Variants in TLR1 observed in about 807,000 individuals in gnomAD.
The protein encoded by TLR1 is toll like receptor 1.
In TLR1, 19 loss-of-function variants were observed where a neutral mutation model predicts 20.2. The observed-to-expected ratio is 0.94, with a 90% CI of 0.66 to 1.38. TLR1 has a LOEUF of 1.38. TLR1 is among the 40% of genes most tolerant of loss of function. The pLI is 0.00. For missense variants in TLR1, 921 were observed against 910.0 expected (o/e 1.01, Z -0.16); for synonymous variants, 320 against 334.5 (o/e 0.96, Z 0.47).
At chr4:38,805,212 G>A (rs1353106767), upstream of TLR1, 3 of 152,218 alleles carry the variant, frequency 2.0e-5, no homozygotes, top group Admixed American at 6.5e-5. Flanking sequence ...AGTGGAAAGA[G>A]GGAGGGGTCG....
downstream of TLR1, chr4:38,794,667 G>T (rs1266231131): frequency 2.0e-5 from 3 of 148,870 alleles, no homozygotes; most frequent in African/African-American, 7.4e-5. Flanking sequence ...TCATTTCTAA[G>T]ATTTTTTTTC....
intron 3 of TLR1, chr4:38,800,543 G>T (rs5743599): frequency 6.6e-6 from 1 of 152,116 alleles, no homozygotes. Flanking sequence ...TTCCAGTGGC[G>T]TATGAGAACA....
intron 3 of TLR1, among the ~76,000 whole-genome samples, chr4:38,799,169 C>T (rs1579209136): frequency 6.6e-6 from 1 of 152,114 alleles, no homozygotes; most frequent in African/African-American, 2.4e-5. Flanking sequence ...TGTCCTAATC[C>T]CCAGAAACCA....
chr4:38,797,117 A>G lies in TLR1; in HGVS notation c.1715T>C (p.Met572Thr), dbSNP rs1365619063. ...YRGTLLKDFH[M>T]SELSCNITLL... ...AGTTATGTTGCAGGATAATTCAGAC[A>G]TGTGAAAGTCCTTTAGTAGGGTTCC... The change falls in exon 4 of 4, where the codon ATG becomes ACG. Residue 572 changes from methionine to threonine, a missense_variant. Transcript: ENST00000308979. 6.2e-7 allele frequency: 1 copy of G among 1,614,222 alleles called. No individual in the cohort carries two copies.
At chr4:38,787,934 C>T (rs1725638487), downstream of TLR1, among the ~76,000 whole-genome samples, 2 of 152,196 alleles carry the variant, frequency 1.3e-5, no homozygotes. Context: ...CCATGTGCTA[C>T]CCCTGACTCC....
Position 38,797,013 on chromosome 4 carries a change from G to A in TLR1, c.1819C>T (p.Pro607Ser). The change falls in exon 4 of 4, where the codon CCC becomes TCC. Residue 607 changes from proline to serine, a missense_variant. By Grantham distance (74) the Pro-to-Ser change is moderately conservative. Transcript: ENST00000308979. ...VTSLCSYLDL[P>S]WYLRMVCQWT... ...TGGCACACCATCCTGAGATACCAGG[G>A]CAGATCCAAGTAGCTGCAGAGGGAG... 2 of 1,614,174 alleles carry A rather than the reference G, an allele frequency of 1.2e-6. No homozygotes were observed. The highest frequency in any genetic ancestry group is 2.2e-5 in the East Asian group (1 of 44,872).
chr4:38,791,756 T>C (rs1266655641), downstream of TLR1, among the ~76,000 whole-genome samples: 1 of 152,238 alleles, frequency 6.6e-6, no homozygotes, highest in African/African-American at 2.4e-5. Flanking sequence ...TTTATTGAGC[T>C]TTTGCTTAAT....
In TLR1 at chr4:38,797,043, C is replaced by T. The variant is rs749925721; in HGVS notation, c.1789G>A (p.Val597Met). 1.9e-6 allele frequency: 3 copies of T among 1,614,176 alleles called. No homozygotes were observed. The highest frequency in any genetic ancestry group is 2.5e-6 in the Non-Finnish European group (3 of 1,180,014). ...TCCAAGTAGCTGCAGAGGGAGGTCA[C>T]AGTCACAGCCAACACCAGCATGGTG... ...VATMLVLAVT[V>M]TSLCSYLDLP... The change falls in exon 4 of 4, where the codon GTG (valine) becomes ATG (methionine). Residue 597 changes from valine (V) to methionine (M), a missense_variant. By Grantham distance (21) the Val-to-Met change is conservative. Transcript: ENST00000308979.
chr4:38,803,292 G>A lies in TLR1; in HGVS notation c.-160+1014C>T, dbSNP rs543077563. Reference sequence around the variant, plus strand: ...TATGGGCTGGAACCTGGCCCTGGGCGTGACACTCTCTCTCTTACTCTAAAA... The same window carrying A: ...TATGGGCTGGAACCTGGCCCTGGGCATGACACTCTCTCTCTTACTCTAAAA... On this transcript the variant is annotated intron_variant, in intron 2 of 3. Coordinates refer to ENST00000308979, the MANE Select transcript of TLR1 (RefSeq NM_003263.4). 1.1e-3 allele frequency among the ~76,000 whole-genome samples: 174 copies of A among 152,212 alleles called. 2 individuals carry two copies. Among genetic ancestry groups the A allele is most frequent in the South Asian group, 6.6e-3 (32 of 4,822 alleles).
At chr4:38,795,232 T>C (rs1579197304), downstream of TLR1, among the ~76,000 whole-genome samples, 1 of 152,200 alleles carries the variant, frequency 6.6e-6, no homozygotes, top group African/African-American at 2.4e-5. Context: ...TAGAACAGGC[T>C]TCTACAAGCA....
chr4:38,790,550 A>G (rs1465106817), downstream of TLR1: 3 of 152,084 alleles, frequency 2.0e-5, no homozygotes, highest in Non-Finnish European at 4.4e-5. Context: ...ATTTCAAGAG[A>G]AAGTGCCTTG....
chr4:38,799,421 C>T (rs1244764278), intron 3 of TLR1, among the ~76,000 whole-genome samples: 1 of 152,192 alleles, frequency 6.6e-6, no homozygotes, highest in East Asian at 1.9e-4. Flanking sequence ...AGGCAAGGAA[C>T]ATCAACAGGC....
downstream of TLR1, among the ~76,000 whole-genome samples, chr4:38,792,454 A>G (rs1420601480): frequency 6.6e-6 from 1 of 152,136 alleles, no homozygotes; most frequent in Non-Finnish European, 1.5e-5. Flanking sequence ...TTTGTATCCT[A>G]TGCTTTTTAT....
chr4:38,795,366 T>C (rs563741084), downstream of TLR1, among the ~76,000 whole-genome samples: 1 of 152,328 alleles, frequency 6.6e-6, no homozygotes, highest in Admixed American at 6.5e-5. Context: ...AAATGTAGAC[T>C]GACAGGATGT....
chr4:38,788,416 A>C (rs1475231559), downstream of TLR1, among the ~76,000 whole-genome samples: 1 of 152,200 alleles, frequency 6.6e-6, no homozygotes, highest in African/African-American at 2.4e-5. Flanking sequence ...CATTGCTCTT[A>C]GGCAGAATTC....
chr4:38,788,603 C>T (rs375981754), downstream of TLR1, among the ~76,000 whole-genome samples: 2 of 152,172 alleles, frequency 1.3e-5, no homozygotes, highest in East Asian at 1.9e-4. Context: ...TCTGCTAGAG[C>T]CAGCTTATAC....
At chr4:38,795,415 A>C (rs1725977484), downstream of TLR1, among the ~76,000 whole-genome samples, 1 of 152,234 alleles carries the variant, frequency 6.6e-6, no homozygotes, top group Non-Finnish European at 1.5e-5. Flanking sequence ...TCCATTCCTT[A>C]CACTGCCCCA....
At position 38,797,736 on chromosome 4, in the gene TLR1, C is replaced by A. The variant is rs746174508; in HGVS notation, c.1096G>T (p.Glu366Ter). The A allele has an allele frequency of 2.2e-5, 35 of 1,613,604 alleles. No individual in the cohort carries two copies. The highest frequency in any genetic ancestry group is 1.0e-4 in the Admixed American group (6 of 59,918). The change falls in exon 4 of 4, where the codon GAA becomes TAA. Residue 366 changes from glutamate (E) to a stop codon, truncating the protein, a stop_gained. Coordinates refer to ENST00000308979, the MANE Select transcript of TLR1 (RefSeq NM_003263.4). LOFTEE classifies it high-confidence loss of function. ...SNNLLTDTVF[E>*]NCGHLTELET... ...AACTCAGTAAGGTGCCCACAATTTTCAAAAACCGTGTCTGTTAAGAGATTA... is the reference window on the plus strand; with the variant it reads ...AACTCAGTAAGGTGCCCACAATTTTAAAAAACCGTGTCTGTTAAGAGATTA...
chr4:38,794,317 T>C (rs942621138), downstream of TLR1, among the ~76,000 whole-genome samples: 1 of 152,232 alleles, frequency 6.6e-6, no homozygotes, highest in Non-Finnish European at 1.5e-5. Flanking sequence ...AGCATACATT[T>C]CATGGTTTGA....
Sources: allele counts gnomAD v4.1 joint callset (sites outside exome capture counted in the v4.1 genomes callset), GRCh38; gene constraint gnomAD v4.1.1; transcripts MANE v1.5; gene names NCBI Gene and HGNC (gene_info 2026-07-23, HGNC 2026-07-21).